Variants in AGBL4 observed in about 807,000 individuals in gnomAD.
The protein encoded by AGBL4 is AGBL carboxypeptidase 4.
AGBL4 carries 58 observed loss-of-function variants against 66.4 expected under a neutral mutation model. The observed-to-expected ratio is 0.87, with a 90% confidence interval of 0.71 to 1.09. AGBL4 has a LOEUF of 1.09. AGBL4 is among the 50% of genes least tolerant of loss of function. The pLI is 0.00. For missense variants in AGBL4, 579 were observed against 631.0 expected, an observed-to-expected ratio of 0.92 and a Z score of 0.88; for synonymous variants, 234 against 222.9, an observed-to-expected ratio of 1.05 and a Z score of -0.44.
chr1:48,998,531 T>C (rs950776587), intron 5 of AGBL4, among the ~76,000 whole-genome samples: 2 of 152,198 alleles, frequency 1.3e-5, no homozygotes, highest in African/African-American at 4.8e-5. Context: ...CAGTGGGATG[T>C]AAATGAAGGT....
chr1:48,544,124 TG>T (rs774197484), intron 11 of AGBL4, among the ~76,000 whole-genome samples: 33 of 152,332 alleles, frequency 2.2e-4, no homozygotes, highest in Non-Finnish European at 2.1e-4. Context: ...CACTGGGCTC[TG>T]GGGCTGCCAC....
At chr1:49,611,297 A>C (rs1645149893) in intron 3 of AGBL4, among the ~76,000 whole-genome samples, 2 of 152,106 alleles carry the variant, frequency 1.3e-5, no homozygotes, top group Admixed American at 6.6e-5. Flanking sequence ...AGAGAGAAGA[A>C]TGGATCTAGA....
At chr1:49,400,786 C>A (rs2148610450) in intron 3 of AGBL4, among the ~76,000 whole-genome samples, 1 of 152,170 alleles carries the variant, frequency 6.6e-6, no homozygotes, top group African/African-American at 2.4e-5. Flanking sequence ...GATTTTTTCC[C>A]AAATAAAATT....
At chr1:49,699,064 C>G (rs1469688157) in intron 2 of AGBL4, among the ~76,000 whole-genome samples, 1 of 152,070 alleles carries the variant, frequency 6.6e-6, no homozygotes, top group African/African-American at 2.4e-5. Flanking sequence ...AAATTAAACA[C>G]TTCTGATTTC....
At chr1:49,267,537 G>A (rs981386082) in intron 3 of AGBL4, among the ~76,000 whole-genome samples, 27 of 151,952 alleles carry the variant, frequency 1.8e-4, no homozygotes, top group Non-Finnish European at 2.5e-4. Flanking sequence ...AAAATTAGCC[G>A]GGCATGGTGG....
At chr1:49,161,115 G>A (rs1646533265) in intron 4 of AGBL4, among the ~76,000 whole-genome samples, 1 of 152,092 alleles carries the variant, frequency 6.6e-6, no homozygotes, top group Admixed American at 6.5e-5. Context: ...AAAAACTCCT[G>A]TAGCTAGTTT....
At chr1:48,594,253 C>T (rs552702103) in intron 9 of AGBL4, among the ~76,000 whole-genome samples, 32 of 151,956 alleles carry the variant, frequency 2.1e-4, no homozygotes, top group Admixed American at 1.0e-3. Context: ...GAACCCTGGG[C>T]GCAGATGTTG....
intron 3 of AGBL4, among the ~76,000 whole-genome samples, chr1:49,340,726 T>C (rs1265013366): frequency 6.6e-6 from 1 of 152,170 alleles, no homozygotes; most frequent in Non-Finnish European, 1.5e-5. Flanking sequence ...CTGGGTAAAA[T>C]GAGGCTGAGA....
chr1:49,055,006 C>T (rs568815121), intron 4 of AGBL4, among the ~76,000 whole-genome samples: 17 of 151,924 alleles, frequency 1.1e-4, no homozygotes, highest in East Asian at 7.7e-4. Flanking sequence ...CAGGAAGATA[C>T]GACAGTTGTC....
At chr1:48,881,666 C>CT in intron 5 of AGBL4, among the ~76,000 whole-genome samples, 1 of 107,718 alleles carries the variant, frequency 9.3e-6, no homozygotes, top group East Asian at 2.0e-4. Flanking sequence ...ATTCTCTGAT[C>CT]TCCCCCCTCC....
At chr1:49,601,508 T>C (rs1032620126) in intron 3 of AGBL4, among the ~76,000 whole-genome samples, 6 of 152,078 alleles carry the variant, frequency 3.9e-5, no homozygotes, top group Admixed American at 2.0e-4. Flanking sequence ...ATCAGATATA[T>C]AGACCAATGA....
chr1:49,114,795 C>T (rs1645482467), intron 4 of AGBL4, among the ~76,000 whole-genome samples: 1 of 152,096 alleles, frequency 6.6e-6, no homozygotes, highest in Non-Finnish European at 1.5e-5. Flanking sequence ...GTGGAGCTTT[C>T]AGAACACATA....
rs146947443 is a variant in AGBL4, at chr1:48,730,013, C to A, written c.635-66772G>T. On this transcript the variant is annotated intron_variant, in intron 6 of 13. Transcript: ENST00000371839. ...TGCTCATCTCTGCTTAAGTCCTCAC[C>A]CTTCACCTGCCTAAGCTCTACTCAT... Among the ~76,000 whole-genome samples the A allele has an allele frequency of 4.5e-3, 686 of 152,232 alleles. 4 individuals are homozygous for A. The highest frequency in any genetic ancestry group is 0.016 in the African/African-American group (664 of 41,532).
intron 5 of AGBL4, among the ~76,000 whole-genome samples, chr1:48,959,715 T>C (rs1456903010): frequency 6.6e-6 from 1 of 152,222 alleles, no homozygotes; most frequent in Admixed American, 6.5e-5. Context: ...AGAAAGAATA[T>C]TCTGGGTACA....
At chr1:48,551,168 C>G (rs1031508622) in intron 11 of AGBL4, among the ~76,000 whole-genome samples, 2 of 152,160 alleles carry the variant, frequency 1.3e-5, no homozygotes, top group Non-Finnish European at 2.9e-5. Flanking sequence ...CTTCCATAAG[C>G]TAGTATAAGC....
chr1:49,947,486 C>T (rs1416333612), intron 1 of AGBL4, among the ~76,000 whole-genome samples: 1 of 151,738 alleles, frequency 6.6e-6, no homozygotes, highest in African/African-American at 2.4e-5. Context: ...TTGACAAAAT[C>T]CAGCATCCCT....
intron 4 of AGBL4, among the ~76,000 whole-genome samples, chr1:49,204,248 T>A (rs1647951591): frequency 6.6e-6 from 1 of 152,090 alleles, no homozygotes; most frequent in South Asian, 2.1e-4. Context: ...ATTCCATAGA[T>A]AACTGGAAAC....
chr1:49,600,647 T>C (rs1296211933), intron 3 of AGBL4, among the ~76,000 whole-genome samples: 1 of 152,212 alleles, frequency 6.6e-6, no homozygotes, highest in Admixed American at 6.5e-5. Flanking sequence ...TTTGATCCTG[T>C]CCTTATGATG....
chr1:49,875,463 A>C (rs1466872163), intron 1 of AGBL4, among the ~76,000 whole-genome samples: 5 of 143,192 alleles, frequency 3.5e-5, no homozygotes, highest in African/African-American at 1.3e-4. Context: ...AATTTCATCC[A>C]TGTCCCTACA....
Sources: allele counts gnomAD v4.1 joint callset (sites outside exome capture counted in the v4.1 genomes callset), GRCh38; gene constraint gnomAD v4.1.1; transcripts MANE v1.5; gene names NCBI Gene and HGNC (gene_info 2026-07-23, HGNC 2026-07-21).